The following DIP2B variants were observed in gnomAD, a reference collection of about 807,000 sequenced individuals.
DIP2B encodes DIP2 acetate--CoA ligase B (putative), also known as disco-interacting protein 2 homolog B.
DIP2B carries 76 observed loss-of-function variants against 198.0 expected under a neutral mutation model. The ratio of observed to expected loss-of-function variants is 0.38; its 90% CI spans 0.32 to 0.46. The LOEUF is 0.46. Among genes scored for constraint, DIP2B ranks in the 20% least tolerant of loss-of-function variants. The pLI is 0.99. For synonymous variants in DIP2B, 701 were observed against 739.1 expected (o/e 0.95, Z 0.84); for missense variants, 1,559 against 1,978.4 (o/e 0.79, Z 4.02).
intron 1 of DIP2B, among the ~76,000 whole-genome samples, chr12:50,526,055 G>A (rs1958161955): frequency 6.6e-6 from 1 of 152,122 alleles, no homozygotes; most frequent in Non-Finnish European, 1.5e-5. Flanking sequence ...TCAGTAAAAT[G>A]TTTGTTTTTT....
At chr12:50,683,700 G>C (rs961386996) in intron 10 of DIP2B, among the ~76,000 whole-genome samples, 8 of 152,054 alleles carry the variant, frequency 5.3e-5, no homozygotes, top group African/African-American at 1.9e-4. Context: ...GGAGAATGGC[G>C]TGAACCCTAG....
At chr12:50,735,219 G>A (rs1940115982) in intron 34 of DIP2B, 89 bp downstream of exon 34, 5 of 1,438,138 alleles carry the variant, frequency 3.5e-6, no homozygotes, top group Non-Finnish European at 3.9e-6. Flanking sequence ...ATATATTAGT[G>A]TCCAGGGCAA....
chr12:50,568,318 A>G (rs908193272), intron 1 of DIP2B, among the ~76,000 whole-genome samples: 9 of 152,166 alleles, frequency 5.9e-5, no homozygotes, highest in South Asian at 2.1e-4. Flanking sequence ...TGTTTGGTAT[A>G]TCTCCTCATT....
At chr12:50,691,604 C>A (rs1939223070) in intron 13 of DIP2B, among the ~76,000 whole-genome samples, 1 of 152,098 alleles carries the variant, frequency 6.6e-6, no homozygotes, top group Non-Finnish European at 1.5e-5. Flanking sequence ...ATGTTCTTTG[C>A]AATATTAATT....
chr12:50,618,777 T>C (rs1937749332), intron 1 of DIP2B, among the ~76,000 whole-genome samples: 1 of 152,212 alleles, frequency 6.6e-6, no homozygotes, highest in Non-Finnish European at 1.5e-5. Flanking sequence ...GAACAGAGAC[T>C]GATACATAGG....
intron 1 of DIP2B, among the ~76,000 whole-genome samples, chr12:50,569,769 G>A (rs1958597421): frequency 6.6e-6 from 1 of 151,978 alleles, no homozygotes; most frequent in Non-Finnish European, 1.5e-5. Flanking sequence ...ATAAATATCA[G>A]GTAAATATTG....
At chr12:50,691,664 G>A (rs1939224416) in intron 13 of DIP2B, among the ~76,000 whole-genome samples, 1 of 152,124 alleles carries the variant, frequency 6.6e-6, no homozygotes, top group South Asian at 2.1e-4. Context: ...AAATGGTCAT[G>A]ATAAAATTTT....
intron 3 of DIP2B, among the ~76,000 whole-genome samples, chr12:50,641,463 G>A (rs1200679435): frequency 6.6e-6 from 1 of 152,228 alleles, no homozygotes; most frequent in Non-Finnish European, 1.5e-5. Flanking sequence ...AAATAAGAAA[G>A]TGAAGGGTTG....
Position 50,721,545 on chromosome 12 carries a change from G to A in DIP2B, c.3166+149G>A, listed in dbSNP as rs998302445. On this transcript the variant is annotated intron_variant, in intron 26 of 37. Transcript: ENST00000301180. Reference sequence around the variant, plus strand: ...AAGACCATGCACACAGGCCAAAGTGGGAACCAATCCTCACCCCCCAAGTTG... The same window carrying A: ...AAGACCATGCACACAGGCCAAAGTGAGAACCAATCCTCACCCCCCAAGTTG... The A allele has an allele frequency of 3.3e-6, 4 of 1,220,780 alleles. No individual in the cohort carries two copies. The African/African-American group carries it at 4.6e-5, about 14-fold the overall frequency. 75.6% of individuals were successfully genotyped at this position (1,220,780 alleles called of 1,614,324 possible). A position where few individuals can be genotyped will look rare whatever the true frequency, so the allele number is the denominator to read the frequency against.
rs1555179950 is a variant in DIP2B at position 50,505,019 on chromosome 12, C to CGGCGGT, written c.-120_-115dup. 390 of 1,004,890 alleles carry CGGCGGT rather than the reference C, an allele frequency of 3.9e-4. 2 individuals carry two copies. In the African/African-American group the frequency reaches 5.4e-3, roughly 14 times the overall value. 62.2% of individuals were successfully genotyped at this position (1,004,890 alleles called of 1,614,324 possible). Reference sequence around the variant, plus strand: ...TTGCTCATGGCGGCGGCGGCGGCGGCGGCGGTGCTGGTGGTGCTCGGCGGC... The same window carrying CGGCGGT: ...TTGCTCATGGCGGCGGCGGCGGCGGCGGCGGTGGCGGTGCTGGTGGTGCTCGGCGGC... On this transcript the variant is annotated 5_prime_UTR_variant, in exon 1 of 38. Transcript: ENST00000301180.
chr12:50,515,556 ACT>A (rs1958056662), intron 1 of DIP2B, among the ~76,000 whole-genome samples: 1 of 146,994 alleles, frequency 6.8e-6, no homozygotes, highest in African/African-American at 2.5e-5. Context: ...TCTTTATGAA[ACT>A]CTCCCCTTCC....
At chr12:50,525,471 C>T (rs1958155093) in intron 1 of DIP2B, among the ~76,000 whole-genome samples, 1 of 151,176 alleles carries the variant, frequency 6.6e-6, no homozygotes, top group South Asian at 2.1e-4. Context: ...TTCTTTTCTT[C>T]CTTGAACTCA....
At chr12:50,721,231 C>T (rs762715558) in intron 25 of DIP2B, 42 bp from the exon 26 acceptor site, 12 of 1,601,478 alleles carry the variant, frequency 7.5e-6, no homozygotes, top group Admixed American at 6.9e-5. Context: ...TGTTTATTTC[C>T]TTTCTGAGCT....
chr12:50,623,441 T>A (rs200028984), intron 1 of DIP2B, among the ~76,000 whole-genome samples: 712 of 70,434 alleles, frequency 0.01, 9 homozygotes, highest in East Asian at 0.048. Flanking sequence ...ACACACACTC[T>A]CTCTCTCTCT....
At chr12:50,673,870 C>T (rs1592121398) in intron 5 of DIP2B, among the ~76,000 whole-genome samples, 1 of 152,110 alleles carries the variant, frequency 6.6e-6, no homozygotes. Context: ...CCTTGTCTGT[C>T]AAGGAGATCC....
intron 30 of DIP2B, among the ~76,000 whole-genome samples, chr12:50,730,625 G>T (rs1415781102): frequency 6.6e-6 from 1 of 152,060 alleles, no homozygotes; most frequent in Non-Finnish European, 1.5e-5. Flanking sequence ...GGGCTCCAGC[G>T]ATCCTCCCAT....
chr12:50,724,771 C>G lies in DIP2B; in HGVS notation c.3289-4C>G, dbSNP rs1179535120. On this transcript the variant is annotated splice_polypyrimidine_tract_variant and splice_region_variant and intron_variant, in intron 27 of 37. Coordinates refer to ENST00000301180, the MANE Select transcript of DIP2B (RefSeq NM_173602.3). ...ATGCTTATTGCTGTCCATTTGTTTTCTAGGTCAGCAAAGCAGCCTGTATTC... is the reference window on the plus strand; with the variant it reads ...ATGCTTATTGCTGTCCATTTGTTTTGTAGGTCAGCAAAGCAGCCTGTATTC... 1.9e-6 allele frequency: 3 copies of G among 1,613,334 alleles called. No homozygotes were observed. Among genetic ancestry groups the G allele is most frequent in the African/African-American group, 2.7e-5 (2 of 74,880 alleles).
At chr12:50,662,589 A>G (rs943623827) in intron 4 of DIP2B, among the ~76,000 whole-genome samples, 3 of 152,214 alleles carry the variant, frequency 2.0e-5, no homozygotes, top group Admixed American at 6.5e-5. Flanking sequence ...GCTGTTTCCA[A>G]TGCCTAGTTG....
intron 2 of DIP2B, among the ~76,000 whole-genome samples, chr12:50,636,364 C>T (rs1195281169): frequency 1.3e-5 from 2 of 152,076 alleles, no homozygotes; most frequent in Non-Finnish European, 2.9e-5. Context: ...AATCTTTTTT[C>T]CAATCCCCAT....
Sources: allele counts gnomAD v4.1 joint callset (sites outside exome capture counted in the v4.1 genomes callset), GRCh38; gene constraint gnomAD v4.1.1; transcripts MANE v1.5; gene names NCBI Gene and HGNC (gene_info 2026-07-23, HGNC 2026-07-21).